Variants in PTPRN2 observed in about 807,000 individuals in gnomAD.
The protein encoded by PTPRN2 is protein tyrosine phosphatase receptor type N2, also known as receptor-type tyrosine-protein phosphatase N2.
Under a neutral mutation model 118.8 loss-of-function variants are expected in PTPRN2, and 74 were observed. The observed-to-expected ratio is 0.62, with a 90% confidence interval of 0.52 to 0.76. The LOEUF is 0.76. Ranked by LOEUF, PTPRN2 falls within the 30% of genes least tolerant of loss-of-function variation. The probability of loss-of-function intolerance (pLI) is 0.00; values close to 1 mark genes in which losing one functional copy is unlikely to be tolerated. For missense variants in PTPRN2, 1,481 were observed against 1,394.4 expected (o/e 1.06, Z -0.99); for synonymous variants, 641 against 608.0 (o/e 1.05, Z -0.80).
chr7:158,394,475 A>G (rs1191504796), intron 2 of PTPRN2, among the ~76,000 whole-genome samples: 1 of 152,230 alleles, frequency 6.6e-6, no homozygotes, highest in African/African-American at 2.4e-5. Flanking sequence ...GGAGTGACCC[A>G]GGTTGGCAGG....
chr7:157,995,412 T>C (rs1208617630), intron 11 of PTPRN2, among the ~76,000 whole-genome samples: 1 of 152,256 alleles, frequency 6.6e-6, no homozygotes, highest in Non-Finnish European at 1.5e-5. Flanking sequence ...CTACGGTTTC[T>C]ATCTGGTTTT....
rs974743535 is a variant in PTPRN2 at position 157,861,592 on chromosome 7, G to A, written c.1788+37081C>T. On this transcript the variant is annotated intron_variant, in intron 12 of 22. Coordinates refer to ENST00000389418, the MANE Select transcript of PTPRN2 (RefSeq NM_002847.5). This position sits in a 1 kb window ranked among gnomAD's most constrained non-coding sequence, Gnocchi z 5.8. ...CGAGCTGTGTGAGGCTTTTGGGGCT[G>A]CCAGAACAAAGGACTCCAGACGGAT... 2.6e-5 allele frequency among the ~76,000 whole-genome samples: 4 copies of A among 152,320 alleles called. No individual in the cohort carries two copies. The highest frequency in any genetic ancestry group is 5.9e-5 in the Non-Finnish European group (4 of 68,026).
chr7:157,789,885 G>A (rs1393883710), intron 12 of PTPRN2, among the ~76,000 whole-genome samples: 1 of 149,744 alleles, frequency 6.7e-6, no homozygotes, highest in Non-Finnish European at 1.5e-5. Context: ...ATGTGTGCAG[G>A]TATGTGTGTG....
Position 157,987,541 on chromosome 7 carries a change from A to C in PTPRN2, c.1724-88804T>G, listed in dbSNP as rs1401567181. Among the ~76,000 whole-genome samples, 2 of 152,062 alleles carry C rather than the reference A, an allele frequency of 1.3e-5. No individual in the cohort carries two copies. The highest frequency in any genetic ancestry group is 2.9e-5 in the Non-Finnish European group (2 of 68,006). ...AAGAGACTTCCCAGGGGCAGAGCAG[A>C]CCCGGTGGACAGCAGGAGCTGCCTG... is the stretch of plus-strand genomic sequence containing the variant. On this transcript the variant is annotated intron_variant, in intron 11 of 22. Coordinates refer to ENST00000389418, the MANE Select transcript of PTPRN2 (RefSeq NM_002847.5). The surrounding 1 kb of genome is among the most constrained non-coding windows in gnomAD (Gnocchi z 4.3).
intron 5 of PTPRN2, among the ~76,000 whole-genome samples, chr7:158,190,052 G>C (rs1390211892): frequency 6.6e-6 from 1 of 152,224 alleles, no homozygotes; most frequent in Non-Finnish European, 1.5e-5. Context: ...ACTGAGCCTG[G>C]TTCAGACTCT....
chr7:157,924,795 C>T (rs1172078370), intron 11 of PTPRN2, among the ~76,000 whole-genome samples: 1 of 152,292 alleles, frequency 6.6e-6, no homozygotes, highest in Non-Finnish European at 1.5e-5. Flanking sequence ...GATGAAAACA[C>T]CTCCACTGAA....
At chr7:158,398,151 C>T (rs541069605) in intron 2 of PTPRN2, among the ~76,000 whole-genome samples, 22 of 152,350 alleles carry the variant, frequency 1.4e-4, no homozygotes, top group Middle Eastern at 3.4e-3. Context: ...ACTAGCAACC[C>T]GTCATTCATC....
rs769796009 is a variant in PTPRN2 at position 157,578,005 on chromosome 7, G to A, written c.2616+16C>T. 8 of 1,597,314 alleles carry A rather than the reference G, an allele frequency of 5.0e-6. No individual in the cohort carries two copies. Among genetic ancestry groups the A allele is most frequent in the Non-Finnish European group, 6.9e-6 (8 of 1,167,740 alleles). On this transcript the variant is annotated intron_variant, in intron 18 of 22. Coordinates refer to ENST00000389418, the MANE Select transcript of PTPRN2 (RefSeq NM_002847.5). ...CGGCTGGTGGGTCCTGCCCTGGGTGGCTCTGGTCGGAGTACCTCATAGATG... is the reference window on the plus strand; with the variant it reads ...CGGCTGGTGGGTCCTGCCCTGGGTGACTCTGGTCGGAGTACCTCATAGATG...
At chr7:158,542,618 G>A (rs187047764) in intron 1 of PTPRN2, among the ~76,000 whole-genome samples, 3 of 152,290 alleles carry the variant, frequency 2.0e-5, no homozygotes, top group East Asian at 1.9e-4. Context: ...CTCTCCCAGC[G>A]GAGCAACGCT....
intron 11 of PTPRN2, among the ~76,000 whole-genome samples, chr7:157,908,112 C>A (rs1048661675): frequency 1.1e-4 from 17 of 152,218 alleles, no homozygotes; most frequent in African/African-American, 4.1e-4. Context: ...GACCGGCCGG[C>A]GTCTCCGCGT....
intron 2 of PTPRN2, among the ~76,000 whole-genome samples, chr7:158,414,759 T>C (rs1032919008): frequency 1.3e-5 from 2 of 152,196 alleles, no homozygotes; most frequent in South Asian, 2.1e-4. Context: ...GGGAGCTGTG[T>C]TGAAAGTGGG....
intron 11 of PTPRN2, among the ~76,000 whole-genome samples, chr7:157,957,171 C>A (rs960574536): frequency 1.1e-4 from 17 of 152,204 alleles, no homozygotes; most frequent in Non-Finnish European, 4.4e-5. Flanking sequence ...GAGCAGGGGA[C>A]AAGAGTCACC....
intron 2 of PTPRN2, among the ~76,000 whole-genome samples, chr7:158,459,586 C>G (rs952767492): frequency 2.0e-5 from 3 of 152,226 alleles, no homozygotes; most frequent in African/African-American, 7.2e-5. Flanking sequence ...GAGGGCCACA[C>G]ACACATGACT....
chr7:158,125,025 G>A (rs1216761271), intron 9 of PTPRN2, among the ~76,000 whole-genome samples: 1 of 152,234 alleles, frequency 6.6e-6, no homozygotes, highest in African/African-American at 2.4e-5. Context: ...AGGGGAGACA[G>A]CATGGATGGA....
At chr7:158,090,843 C>A (rs532295629) in intron 10 of PTPRN2, among the ~76,000 whole-genome samples, 1 of 152,254 alleles carries the variant, frequency 6.6e-6, no homozygotes, top group South Asian at 2.1e-4. Context: ...TTTAGAACAT[C>A]AATATACTGA....
At chr7:157,984,288 C>G (rs1803559894) in intron 11 of PTPRN2, among the ~76,000 whole-genome samples, 1 of 144,462 alleles carries the variant, frequency 6.9e-6, no homozygotes, top group Non-Finnish European at 1.5e-5. Flanking sequence ...CAGGCTCCAC[C>G]CCATCCCACG....
Position 157,794,457 on chromosome 7 carries a change from C to G in PTPRN2, c.1788+104216G>C, listed in dbSNP as rs1195475207. On this transcript the variant is annotated intron_variant, in intron 12 of 22. Coordinates refer to ENST00000389418, the MANE Select transcript of PTPRN2 (RefSeq NM_002847.5). The surrounding 1 kb of genome is among the most constrained non-coding windows in gnomAD (Gnocchi z 5.2). ...CCTCTGAAAGCCCATTGTGTCTGCC[C>G]CTATTCTTTGAAGCTTCACTGCTTT... Among the ~76,000 whole-genome samples, 1 of 152,212 alleles carries G rather than the reference C, an allele frequency of 6.6e-6. No homozygotes were observed. Among genetic ancestry groups the G allele is most frequent in the Non-Finnish European group, 1.5e-5 (1 of 68,050 alleles).
chr7:158,266,117 G>C, intron 3 of PTPRN2, among the ~76,000 whole-genome samples: 1 of 94,832 alleles, frequency 1.1e-5, no homozygotes, highest in Non-Finnish European at 2.2e-5. Flanking sequence ...TCTGCTGCGG[G>C]GTATTGTCTG....
chr7:157,924,921 G>A (rs1798884796), intron 11 of PTPRN2, among the ~76,000 whole-genome samples: 1 of 124,794 alleles, frequency 8.0e-6, no homozygotes, highest in African/African-American at 3.2e-5. Context: ...CCTGCATTTA[G>A]CACGTCAGGC....
Sources: gnomAD v4.1 joint callset for allele counts (sites outside exome capture counted in the v4.1 genomes callset) on GRCh38, gnomAD v4.1.1 for gene constraint, Gnocchi (gnomAD v3.1) non-coding constraint, MANE v1.5 for transcripts, NCBI Gene and HGNC (gene_info 2026-07-23, HGNC 2026-07-21) for gene names.